TTLL9: variants seen among roughly 807,000 people sequenced by gnomAD.
TTLL9 encodes the protein probable tubulin polyglutamylase TTLL9.
Under a neutral mutation model 65.6 loss-of-function variants are expected in TTLL9, and 47 were observed. The observed-to-expected ratio is 0.72, with a 90% CI of 0.57 to 0.91. TTLL9 has a LOEUF of 0.91. Ranked by LOEUF, TTLL9 falls within the 40% of genes least tolerant of loss-of-function variation. The pLI is 0.00. For missense variants in TTLL9, 537 were observed against 568.8 expected (o/e 0.94, Z 0.57); for synonymous variants, 179 against 204.8 (o/e 0.87, Z 1.07).
In TTLL9 at chr20:31,927,661, G is replaced by T. The variant is rs150733039; in HGVS notation, c.748+1570G>T. ...TAGACACATCAAAAGAAGTTTTAAA[G>T]ATCTTTAGGCCTGAGCCTCAGAAGA... On this transcript the variant is annotated intron_variant, in intron 10 of 14. Coordinates refer to ENST00000535842, the MANE Select transcript of TTLL9 (RefSeq NM_001008409.5). 5.9e-5 allele frequency among the ~76,000 whole-genome samples: 9 copies of T among 152,252 alleles called. No individual in the cohort carries two copies. The East Asian group carries it at 1.7e-3, about 29-fold the overall frequency.
rs550001960 is a variant in TTLL9 at position 31,876,768 on chromosome 20, A to G, written c.69+5573A>G. On this transcript the variant is annotated intron_variant, in intron 2 of 14. Transcript: ENST00000535842. Reference sequence around the variant, plus strand: ...CTCCCAAGGTGTGAATAGCATGTAAAGGCTCCCGTTTCCCCACGTCCTCAC... The same window carrying G: ...CTCCCAAGGTGTGAATAGCATGTAAGGGCTCCCGTTTCCCCACGTCCTCAC... 2.4e-4 allele frequency among the ~76,000 whole-genome samples: 36 copies of G among 152,312 alleles called. 1 individual carries two copies. In the South Asian group the frequency reaches 7.3e-3, roughly 31 times the overall value.
chr20:31,907,443 C>T (rs1007636104), intron 4 of TTLL9, among the ~76,000 whole-genome samples: 3 of 152,120 alleles, frequency 2.0e-5, no homozygotes, highest in Non-Finnish European at 4.4e-5. Flanking sequence ...CACTGCAGGC[C>T]GGGCACGGTG....
chr20:31,939,230 T>C lies in TTLL9; in HGVS notation c.1207T>C (p.Ser403Pro). 1.2e-6 allele frequency: 2 copies of C among 1,613,474 alleles called. No individual in the cohort carries two copies. The highest frequency in any genetic ancestry group is 1.7e-6 in the Non-Finnish European group (2 of 1,179,772). The change falls in exon 14 of 15, where the codon TCG becomes CCG. Residue 403 changes from serine (S) to proline (P), a missense_variant. This residue lies in a region of TTLL9 where 205 missense variants were observed against 225.9 expected (regional missense o/e 0.91). Transcript: ENST00000535842. ...VSREEGAPDLSGMGNFVTNTH... is the reference protein window; with the variant it reads ...VSREEGAPDLPGMGNFVTNTH... ...CAGAGAGGAGGGGGCTCCTGACCTG[T>C]CGGGAATGGGAAACTTTGTGACCAA...
In TTLL9 at chr20:31,926,042, C is replaced by G; in HGVS notation, c.706-7C>G. ...GCCAGTCCCAAGTGAACTCCTTTGT[C>G]CCACAGGTGTTTGCTGAATGCCTGC... On this transcript the variant is annotated splice_region_variant and splice_polypyrimidine_tract_variant and intron_variant, in intron 9 of 14. Coordinates refer to ENST00000535842, the MANE Select transcript of TTLL9 (RefSeq NM_001008409.5). 1 of 1,613,904 alleles carries G rather than the reference C, an allele frequency of 6.2e-7. No homozygotes were observed. Among genetic ancestry groups the G allele is most frequent in the Non-Finnish European group, 8.5e-7 (1 of 1,179,902 alleles).
At chr20:31,931,412 A>T (rs1364264290) in intron 10 of TTLL9, among the ~76,000 whole-genome samples, 1 of 151,910 alleles carries the variant, frequency 6.6e-6, no homozygotes, top group Admixed American at 6.6e-5. Context: ...AGTAGCTGGG[A>T]CTATAGATGC....
intron 13 of TTLL9, among the ~76,000 whole-genome samples, chr20:31,938,750 C>T (rs971933189): frequency 1.3e-5 from 2 of 152,024 alleles, no homozygotes; most frequent in Admixed American, 6.6e-5. Context: ...TGGTGGTGTG[C>T]GCCTGTAGTC....
chr20:31,915,495 T>G lies in TTLL9; in HGVS notation c.505-4369T>G, dbSNP rs74986496. Among the ~76,000 whole-genome samples the G allele has an allele frequency of 3.4e-3, 515 of 152,140 alleles. 25 individuals are homozygous for G. The East Asian group carries it at 0.082, about 24-fold the overall frequency. On this transcript the variant is annotated intron_variant, in intron 6 of 14. Transcript: ENST00000535842. ...AGACCCTGTCTCAAAGAAAAAAGCA[T>G]AATATAAAAATATATCCCTCCCAAA...
intron 2 of TTLL9, among the ~76,000 whole-genome samples, chr20:31,882,515 G>A (rs1429680034): frequency 1.3e-5 from 2 of 152,088 alleles, no homozygotes; most frequent in Admixed American, 1.3e-4. Context: ...GGCGCCATTC[G>A]TGCTACCTTC....
chr20:31,919,561 T>C (rs182158240), intron 6 of TTLL9, among the ~76,000 whole-genome samples: 1 of 152,310 alleles, frequency 6.6e-6, no homozygotes. Context: ...AAAAAAGATT[T>C]GGATGATATG....
intron 2 of TTLL9, among the ~76,000 whole-genome samples, chr20:31,873,385 A>C (rs1250166878): frequency 6.6e-6 from 1 of 152,162 alleles, no homozygotes; most frequent in Non-Finnish European, 1.5e-5. Context: ...GTGGTGGCTC[A>C]TGCCTGTAAT....
chr20:31,880,079 A>G (rs992069347), intron 2 of TTLL9, among the ~76,000 whole-genome samples: 1 of 152,086 alleles, frequency 6.6e-6, no homozygotes, highest in Non-Finnish European at 1.5e-5. Context: ...AAAGCCGAGG[A>G]ACTCAGAGGA....
intron 2 of TTLL9, among the ~76,000 whole-genome samples, chr20:31,878,820 TTATATA>T (rs1568730930): frequency 6.6e-6 from 1 of 152,248 alleles, no homozygotes; most frequent in Non-Finnish European, 1.5e-5. Context: ...TGTCTCTTTC[TTATATA>T]TATCTCATAT....
chr20:31,905,632 A>C (rs909773559), intron 4 of TTLL9, among the ~76,000 whole-genome samples: 1 of 152,164 alleles, frequency 6.6e-6, no homozygotes, highest in Non-Finnish European at 1.5e-5. Context: ...GCTCAGTGAA[A>C]GGCTGGGTCT....
Position 31,939,252 on chromosome 20 carries a change from C to T in TTLL9, c.1229C>T (p.Thr410Ile), listed in dbSNP as rs368756223. ...PDLSGMGNFV[T>I]NTHLGCVNDR... The stretch of plus-strand genomic sequence containing the variant: ...CTGTCGGGAATGGGAAACTTTGTGA[C>T]CAACACACATCTCGGTATGTAGGGC... The change falls in exon 14 of 15, where the codon ACC becomes ATC. Residue 410 changes from threonine (T) to isoleucine (I), a missense_variant. By Grantham distance (89) the Thr-to-Ile change is moderately conservative. Transcript: ENST00000535842. 128 of 1,613,362 alleles carry T rather than the reference C, an allele frequency of 7.9e-5. No homozygotes were observed. The highest frequency in any genetic ancestry group is 1.0e-4 in the Non-Finnish European group (119 of 1,179,788).
chr20:31,943,489 C>G lies in TTLL9; in HGVS notation c.*468C>G. ...TCCTTCAGGAGCAAGAGTTTGGAGG[C>G]TAAGGAACTCGTCTTTAAGCTGTGC... On this transcript the variant is annotated 3_prime_UTR_variant, in exon 15 of 15. Transcript: ENST00000535842. The G allele has an allele frequency of 3.1e-6, 1 of 324,530 alleles. No individual in the cohort carries two copies. Among genetic ancestry groups the G allele is most frequent in the South Asian group, 2.6e-5 (1 of 37,820 alleles). 20.1% of individuals were successfully genotyped at this position (324,530 alleles called of 1,614,324 possible).
At chr20:31,899,213 G>T (rs1308929591) in intron 4 of TTLL9, among the ~76,000 whole-genome samples, 1 of 152,248 alleles carries the variant, frequency 6.6e-6, no homozygotes, top group Non-Finnish European at 1.5e-5. Context: ...AGAAATGTGG[G>T]ATCCATCTGC....
chr20:31,922,298 C>T (rs1056487306), intron 7 of TTLL9, among the ~76,000 whole-genome samples: 1 of 151,924 alleles, frequency 6.6e-6, no homozygotes, highest in African/African-American at 2.4e-5. Context: ...AAATCTGTAA[C>T]ATGAAATTTA....
chr20:31,897,238 A>G (rs1216839806), intron 3 of TTLL9, among the ~76,000 whole-genome samples: 1 of 152,162 alleles, frequency 6.6e-6, no homozygotes, highest in East Asian at 1.9e-4. Flanking sequence ...CCTATTTCAT[A>G]TTGGATGAGT....
At chr20:31,872,141 A>G (rs2062944142) in intron 2 of TTLL9, among the ~76,000 whole-genome samples, 1 of 152,188 alleles carries the variant, frequency 6.6e-6, no homozygotes, top group African/African-American at 2.4e-5. Context: ...AAACAAATAA[A>G]TTATTTACAA....
Sources: allele counts gnomAD v4.1 joint callset (sites outside exome capture counted in the v4.1 genomes callset), GRCh38; gene constraint gnomAD v4.1.1; regional missense constraint gnomAD v4.1.1; transcripts MANE v1.5; gene names NCBI Gene and HGNC (gene_info 2026-07-23, HGNC 2026-07-21).